Variants in COL21A1 observed in about 807,000 individuals in gnomAD.
COL21A1 encodes collagen alpha-1(XXI) chain.
COL21A1 carries 149 observed loss-of-function variants against 137.9 expected under a neutral mutation model. The ratio of observed to expected loss-of-function variants is 1.08; its 90% CI spans 0.95 to 1.24. The LOEUF is 1.24. Ranked by LOEUF, COL21A1 falls within the 50% of genes most tolerant of loss-of-function variation. COL21A1 has a pLI of 0.00. For missense variants in COL21A1, 1,167 were observed against 1,158.4 expected (o/e 1.01, Z -0.11); for synonymous variants, 456 against 391.5 (o/e 1.16, Z -1.95).
intron 18 of COL21A1, among the ~76,000 whole-genome samples, chr6:56,076,919 G>C (rs968970468): frequency 2.0e-5 from 3 of 151,334 alleles, no homozygotes; most frequent in African/African-American, 7.3e-5. Flanking sequence ...TCCATATCTA[G>C]ACATATTGTA....
At chr6:56,284,986 G>A (rs1256521802) in intron 1 of COL21A1, among the ~76,000 whole-genome samples, 1 of 152,190 alleles carries the variant, frequency 6.6e-6, no homozygotes, top group Non-Finnish European at 1.5e-5. Flanking sequence ...CAAATGTGCA[G>A]CTAAATGTTA....
At chr6:56,315,894 T>G (rs1272657668) in intron 1 of COL21A1, among the ~76,000 whole-genome samples, 2 of 152,210 alleles carry the variant, frequency 1.3e-5, no homozygotes, top group Admixed American at 1.3e-4. Context: ...GTATGTGAAG[T>G]GATAGATATG....
At chr6:56,070,959 G>GA (rs1766692709) in intron 20 of COL21A1, among the ~76,000 whole-genome samples, 161 bp from the exon 21 acceptor site, 1 of 151,468 alleles carries the variant, frequency 6.6e-6, no homozygotes, top group African/African-American at 2.4e-5. Context: ...TAAGAAAAAT[G>GA]AAAAAATCTT....
chr6:56,111,303 C>G (rs1771412562), intron 16 of COL21A1, among the ~76,000 whole-genome samples: 2 of 152,072 alleles, frequency 1.3e-5, no homozygotes, highest in Non-Finnish European at 2.9e-5. Flanking sequence ...TATCACAGAT[C>G]AGTGGGAAAT....
At chr6:56,213,284 C>G (rs1381351565) in intron 1 of COL21A1, among the ~76,000 whole-genome samples, 3 of 152,026 alleles carry the variant, frequency 2.0e-5, no homozygotes, top group Non-Finnish European at 4.4e-5. Flanking sequence ...GTATAGAGCT[C>G]ATTATGTAGT....
chr6:56,348,754 A>C (rs1765646370), intron 1 of COL21A1, among the ~76,000 whole-genome samples: 2 of 152,248 alleles, frequency 1.3e-5, no homozygotes, highest in Non-Finnish European at 2.9e-5. Context: ...CACTGGGATT[A>C]GATAACAGGG....
intron 1 of COL21A1, among the ~76,000 whole-genome samples, chr6:56,245,616 A>G (rs115294827): frequency 1.9e-3 from 294 of 152,338 alleles, no homozygotes; most frequent in Non-Finnish European, 3.7e-3. Flanking sequence ...TCTGACAACA[A>G]TGTGAATTAT....
At position 56,164,473 on chromosome 6, in the gene COL21A1, G is replaced by T; in HGVS notation, c.1321C>A (p.Pro441Thr). The T allele has an allele frequency of 6.3e-7, 1 of 1,589,978 alleles. No individual in the cohort carries two copies. The highest frequency in any genetic ancestry group is 2.3e-5 in the East Asian group (1 of 44,192). The stretch of plus-strand genomic sequence containing the variant: ...CCCGGAGGACAAATACAGGGAGCTG[G>T]AGTTGAACCTACATCACTGGGACCA... ...LNGPSDVGST[P>T]APCICPPGKP... The change falls in exon 9 of 30, where the codon CCA becomes ACA. Residue 441 changes from proline to threonine, a missense_variant. Coordinates refer to ENST00000244728, the MANE Select transcript of COL21A1 (RefSeq NM_030820.4).
chr6:56,061,127 A>G, intron 25 of COL21A1, 90 bp from the exon 26 acceptor site: 1 of 984,502 alleles, frequency 1.0e-6, no homozygotes, highest in East Asian at 2.8e-5. Flanking sequence ...GTGAATATGC[A>G]TGTATACATA....
chr6:56,082,158 A>G (rs1410018996), intron 17 of COL21A1, among the ~76,000 whole-genome samples: 1 of 151,986 alleles, frequency 6.6e-6, no homozygotes, highest in Non-Finnish European at 1.5e-5. Context: ...CCGAAAACTC[A>G]GACAAGGACG....
At chr6:56,108,696 G>A (rs1771161380) in intron 16 of COL21A1, among the ~76,000 whole-genome samples, 1 of 151,666 alleles carries the variant, frequency 6.6e-6, no homozygotes, top group African/African-American at 2.4e-5. Context: ...AACAAACAAA[G>A]AATTAAGTTA....
At chr6:56,154,393 G>A (rs192864247) in intron 10 of COL21A1, among the ~76,000 whole-genome samples, 1 of 152,074 alleles carries the variant, frequency 6.6e-6, no homozygotes, top group Non-Finnish European at 1.5e-5. Context: ...TAAAACTTCT[G>A]TCTCCCCCAG....
chr6:56,096,540 A>C (rs1396791297), intron 17 of COL21A1, among the ~76,000 whole-genome samples: 1 of 152,204 alleles, frequency 6.6e-6, no homozygotes, highest in Non-Finnish European at 1.5e-5. Context: ...TACTTTTAGG[A>C]TTGACAAATA....
At chr6:56,321,547 T>C (rs776516327) in intron 1 of COL21A1, among the ~76,000 whole-genome samples, 5 of 152,186 alleles carry the variant, frequency 3.3e-5, no homozygotes, top group Non-Finnish European at 5.9e-5. Flanking sequence ...ACCATGTAAA[T>C]GATGTTAGAC....
intron 9 of COL21A1, among the ~76,000 whole-genome samples, chr6:56,163,523 A>G (rs1454911182): frequency 6.6e-6 from 1 of 152,262 alleles, no homozygotes; most frequent in South Asian, 2.1e-4. Context: ...ATCCTTGCCA[A>G]CACGGTGAAA....
intron 1 of COL21A1, among the ~76,000 whole-genome samples, chr6:56,205,547 T>C (rs1688798421): frequency 1.3e-5 from 2 of 152,150 alleles, no homozygotes; most frequent in Non-Finnish European, 2.9e-5. Context: ...TGGAACCAAG[T>C]TGGAAAACAC....
At chr6:56,099,126 C>G (rs1442893906) in intron 17 of COL21A1, among the ~76,000 whole-genome samples, 3 of 151,744 alleles carry the variant, frequency 2.0e-5, no homozygotes, top group Non-Finnish European at 4.4e-5. Flanking sequence ...ACAGACTTGC[C>G]GGTCAGTCTG....
intron 1 of COL21A1, among the ~76,000 whole-genome samples, chr6:56,203,941 T>C (rs776773903): frequency 2.0e-5 from 3 of 152,164 alleles, no homozygotes; most frequent in Non-Finnish European, 2.9e-5. Context: ...CTGGCCCAGA[T>C]ACTGCACTTT....
Position 56,099,264 on chromosome 6 carries a change from A to C in COL21A1, c.1812+2208T>G, listed in dbSNP as rs180925798. Among the ~76,000 whole-genome samples, 10 of 106,130 alleles carry C rather than the reference A, an allele frequency of 9.4e-5. No homozygotes were observed. The Admixed American group carries it at 9.6e-4, about 10-fold the overall frequency. The allele number at this position is 106,130 out of a possible 152,430, so 69.6% of individuals were successfully genotyped here. On this transcript the variant is annotated intron_variant, in intron 17 of 29. Coordinates refer to ENST00000244728, the MANE Select transcript of COL21A1 (RefSeq NM_030820.4). ...TTTTTTTTTTTTTTAGAGGGAGTTT[A>C]GCTCTGTCGCCCAGGCTGGAGTGCA...
Sources: allele counts gnomAD v4.1 joint callset (sites outside exome capture counted in the v4.1 genomes callset), GRCh38; gene constraint gnomAD v4.1.1; transcripts MANE v1.5; gene names NCBI Gene and HGNC (gene_info 2026-07-23, HGNC 2026-07-21).